The following GPHN variants were observed in gnomAD, a reference collection of about 807,000 sequenced individuals.
The protein encoded by GPHN is gephyrin.
GPHN carries 17 observed loss-of-function variants against 95.5 expected under a neutral mutation model. The observed-to-expected ratio is 0.18, with a 90% CI of 0.12 to 0.27. The LOEUF (loss-of-function observed/expected upper bound fraction) is 0.27, where lower values mean the gene tolerates loss of function less well. Ranked by LOEUF, GPHN falls within the 10% of genes least tolerant of loss-of-function variation. The probability of loss-of-function intolerance (pLI) is 1.00; values close to 1 mark genes in which losing one functional copy is unlikely to be tolerated. For synonymous variants in GPHN, 320 were observed against 322.5 expected (o/e 0.99, Z 0.08); for missense variants, 660 against 978.1 (o/e 0.67, Z 4.34).
the GPHN span, among the ~76,000 whole-genome samples, chr14:67,389,850 A>G: frequency 1.3e-4 from 19 of 151,992 alleles, no homozygotes; most frequent in Non-Finnish European, 2.6e-4. Flanking sequence ...GTAGCCAGAA[A>G]GGAAGGAGTT....
At chr14:66,916,245 TA>T (rs1224129675) in intron 6 of GPHN, among the ~76,000 whole-genome samples, 176 bp downstream of exon 6, 1 of 152,116 alleles carries the variant, frequency 6.6e-6, no homozygotes, top group Non-Finnish European at 1.5e-5. Flanking sequence ...TAGAACTCAC[TA>T]AAAACTGTTA....
At chr14:67,225,254 G>T in the GPHN span, 1 of 1,512,072 alleles carries the variant, frequency 6.6e-7, no homozygotes, top group South Asian at 1.3e-5. Context: ...AAACATGTAA[G>T]ACAAACTAAA....
intron 1 of GPHN, among the ~76,000 whole-genome samples, chr14:66,612,859 A>G (rs1209659127): frequency 1.3e-5 from 2 of 152,048 alleles, no homozygotes; most frequent in Non-Finnish European, 2.9e-5. Context: ...TTTATCTCTT[A>G]TTATTGCTTG....
the GPHN span, among the ~76,000 whole-genome samples, chr14:67,209,824 A>G: frequency 1.3e-5 from 2 of 151,322 alleles, no homozygotes; most frequent in African/African-American, 2.4e-5. Context: ...TCTCGGAAAA[A>G]AAAAAAAAAA....
intron 11 of GPHN, among the ~76,000 whole-genome samples, chr14:67,066,222 A>G (rs1292798155): frequency 6.6e-6 from 1 of 152,170 alleles, no homozygotes; most frequent in Non-Finnish European, 1.5e-5. Flanking sequence ...TCTGGGTTGA[A>G]AATTCTTTTC....
At chr14:67,647,008 T>G in the GPHN span, 1 of 1,610,902 alleles carries the variant, frequency 6.2e-7, no homozygotes, top group Non-Finnish European at 8.5e-7. Context: ...AACGAACATT[T>G]GATCTGCTGA....
At chr14:67,562,698 T>C in the GPHN span, 1 of 1,612,744 alleles carries the variant, frequency 6.2e-7, no homozygotes, top group Non-Finnish European at 8.5e-7. Context: ...TTCTCAGCCC[T>C]CCACCCCTCT....
At chr14:66,684,946 G>A (rs2067243585) in intron 2 of GPHN, among the ~76,000 whole-genome samples, 1 of 151,984 alleles carries the variant, frequency 6.6e-6, no homozygotes, top group South Asian at 2.1e-4. Flanking sequence ...TTCCCTTCCT[G>A]TGTCCAAGTG....
chr14:66,686,174 G>T (rs1266305342), intron 2 of GPHN, among the ~76,000 whole-genome samples: 1 of 152,134 alleles, frequency 6.6e-6, no homozygotes, highest in Non-Finnish European at 1.5e-5. Flanking sequence ...TTGAAGTCAG[G>T]TAGCATGATG....
chr14:66,907,667 G>A (rs1302087557), intron 5 of GPHN, among the ~76,000 whole-genome samples: 1 of 152,114 alleles, frequency 6.6e-6, no homozygotes, highest in African/African-American at 2.4e-5. Context: ...GCGGGTGGAG[G>A]GGAAAAGTAC....
chr14:66,923,640 A>G (rs186678224), intron 7 of GPHN, among the ~76,000 whole-genome samples: 65 of 152,234 alleles, frequency 4.3e-4, no homozygotes, highest in Non-Finnish European at 5.9e-5. Context: ...ACTAAAGTCA[A>G]CCTAGTATGC....
At chr14:67,270,825 T>G in the GPHN span, 1 of 150,404 alleles carries the variant, frequency 6.6e-6, no homozygotes, top group East Asian at 2.0e-4. Context: ...ATTATAGAGT[T>G]TTTGGAGTGT....
the GPHN span, chr14:67,320,132 G>C: frequency 9.6e-7 from 1 of 1,044,912 alleles, no homozygotes; most frequent in South Asian, 1.9e-5. Context: ...ACAATAAATT[G>C]TGCTTTTGTC....
intron 5 of GPHN, among the ~76,000 whole-genome samples, chr14:66,889,179 G>A (rs2064346144): frequency 1.3e-5 from 2 of 151,926 alleles, no homozygotes; most frequent in Admixed American, 6.6e-5. Flanking sequence ...ATTCAATAAT[G>A]GATAGAACAG....
At chr14:67,226,917 C>A in the GPHN span, among the ~76,000 whole-genome samples, 1 of 152,066 alleles carries the variant, frequency 6.6e-6, no homozygotes, top group Admixed American at 6.5e-5. Flanking sequence ...CGTGCTGGCT[C>A]CTACATCCAC....
intron 2 of GPHN, among the ~76,000 whole-genome samples, chr14:66,710,443 G>A (rs938328609): frequency 1.4e-4 from 21 of 152,108 alleles, no homozygotes; most frequent in African/African-American, 4.3e-4. Context: ...TACCCAGGTC[G>A]TGATATGTCT....
At chr14:67,535,556 A>G in the GPHN span, among the ~76,000 whole-genome samples, 8 of 151,394 alleles carry the variant, frequency 5.3e-5, no homozygotes, top group Non-Finnish European at 4.4e-5. Context: ...TAATTTTTGT[A>G]TTTTTAGTAG....
At chr14:67,299,602 G>GGT in the GPHN span, among the ~76,000 whole-genome samples, 2 of 152,306 alleles carry the variant, frequency 1.3e-5, no homozygotes, top group Middle Eastern at 3.4e-3. Flanking sequence ...ATAGGCCAAT[G>GGT]GAAAGGAGCA....
At chr14:67,316,761 C>T in the GPHN span, 1 of 1,276,876 alleles carries the variant, frequency 7.8e-7, no homozygotes. Flanking sequence ...GTTTTCCCTT[C>T]TTGATTAAAA....
Sources: gnomAD v4.1 joint callset for allele counts (sites outside exome capture counted in the v4.1 genomes callset) on GRCh38, gnomAD v4.1.1 for gene constraint, MANE v1.5 for transcripts, NCBI Gene and HGNC (gene_info 2026-07-23, HGNC 2026-07-21) for gene names.